Variants in XPR1 observed in about 807,000 individuals in gnomAD.
The protein encoded by XPR1 is solute carrier family 53 member 1.
XPR1 carries 28 observed loss-of-function variants against 87.5 expected under a neutral mutation model. The ratio of observed to expected loss-of-function variants is 0.32; its 90% CI spans 0.24 to 0.44. The LOEUF (loss-of-function observed/expected upper bound fraction) is 0.44, where lower values mean the gene tolerates loss of function less well. XPR1 is among the 20% of genes least tolerant of loss of function. The pLI is 1.00. For missense variants in XPR1, 559 were observed against 862.3 expected (o/e 0.65, Z 4.41); for synonymous variants, 300 against 306.1 (o/e 0.98, Z 0.21).
intron 7 of XPR1, among the ~76,000 whole-genome samples, chr1:180,821,821 C>T (rs565344097): frequency 6.6e-6 from 1 of 152,264 alleles, no homozygotes; most frequent in African/African-American, 2.4e-5. Context: ...TTCTTAATTT[C>T]ATTTTCAGAT....
intron 7 of XPR1, among the ~76,000 whole-genome samples, chr1:180,813,258 A>G (rs1477002354): frequency 6.6e-6 from 1 of 152,142 alleles, no homozygotes; most frequent in Non-Finnish European, 1.5e-5. Flanking sequence ...AGATGCATCA[A>G]GCTCATTCTA....
chr1:180,820,836 T>C (rs1354018936), intron 7 of XPR1, among the ~76,000 whole-genome samples: 2 of 152,218 alleles, frequency 1.3e-5, no homozygotes, highest in East Asian at 3.8e-4. Flanking sequence ...AAGCATCTTT[T>C]CATGTGCTCA....
chr1:180,722,999 T>C (rs202192435), intron 2 of XPR1, among the ~76,000 whole-genome samples: 7 of 152,226 alleles, frequency 4.6e-5, no homozygotes, highest in African/African-American at 1.7e-4. Flanking sequence ...CACTATATAT[T>C]AGGAATTTTT....
Position 180,655,802 on chromosome 1 carries a change from G to A in XPR1, c.69+23532G>A, listed in dbSNP as rs184510128. On this transcript the variant is annotated intron_variant, in intron 1 of 14. Coordinates refer to ENST00000367590, the MANE Select transcript of XPR1 (RefSeq NM_004736.4). ...AATTTTTATTATCCTTGATTACTGAGTACCATCTTTTTTTAATTTTTAATT... is the reference window on the plus strand; with the variant it reads ...AATTTTTATTATCCTTGATTACTGAATACCATCTTTTTTTAATTTTTAATT... Among the ~76,000 whole-genome samples, 21 of 151,694 alleles carry A rather than the reference G, an allele frequency of 1.4e-4. No homozygotes were observed. The East Asian group carries it at 2.5e-3, about 18-fold the overall frequency.
At chr1:180,674,215 T>G (rs1656287595) in intron 1 of XPR1, among the ~76,000 whole-genome samples, 1 of 152,148 alleles carries the variant, frequency 6.6e-6, no homozygotes. Context: ...TACAGAGAAG[T>G]TAATTTTCCC....
At chr1:180,756,399 G>A (rs141330574) in intron 2 of XPR1, among the ~76,000 whole-genome samples, 1 of 152,264 alleles carries the variant, frequency 6.6e-6, no homozygotes, top group East Asian at 1.9e-4. Context: ...ATGCTGTTGA[G>A]CATATTTTCA....
chr1:180,718,133 C>T (rs1658059694), intron 2 of XPR1, among the ~76,000 whole-genome samples: 1 of 152,082 alleles, frequency 6.6e-6, no homozygotes, highest in Admixed American at 6.5e-5. Context: ...TACTACTGTG[C>T]AGAGCATTAA....
intron 2 of XPR1, among the ~76,000 whole-genome samples, chr1:180,703,551 A>G (rs1370277069): frequency 6.6e-6 from 1 of 152,194 alleles, no homozygotes; most frequent in Non-Finnish European, 1.5e-5. Flanking sequence ...AGGGCAGATC[A>G]GTCCTCAGTC....
At chr1:180,685,294 AT>A (rs1656726240) in intron 2 of XPR1, among the ~76,000 whole-genome samples, 1 of 151,996 alleles carries the variant, frequency 6.6e-6, no homozygotes, top group Non-Finnish European at 1.5e-5. Context: ...ACATTTATTG[AT>A]TTGCGTATGT....
intron 2 of XPR1, among the ~76,000 whole-genome samples, chr1:180,763,397 G>A (rs530097653): frequency 4.0e-4 from 61 of 152,264 alleles, no homozygotes; most frequent in Non-Finnish European, 5.6e-4. Flanking sequence ...GAAGGATTTT[G>A]TATGTCAAGT....
At chr1:180,840,589 T>A (rs1344664343) in intron 11 of XPR1, among the ~76,000 whole-genome samples, 6 of 146,884 alleles carry the variant, frequency 4.1e-5, no homozygotes, top group African/African-American at 1.0e-4. Flanking sequence ...TATATATATA[T>A]AAACTGGACA....
At chr1:180,715,209 T>C (rs564339424) in intron 2 of XPR1, among the ~76,000 whole-genome samples, 29 of 152,186 alleles carry the variant, frequency 1.9e-4, no homozygotes, top group Non-Finnish European at 8.8e-5. Context: ...GTAAATAAAG[T>C]GTTCAGAAAT....
At chr1:180,775,213 T>G (rs1648666382) in intron 2 of XPR1, among the ~76,000 whole-genome samples, 1 of 152,170 alleles carries the variant, frequency 6.6e-6, no homozygotes, top group African/African-American at 2.4e-5. Context: ...CTTTGAAAGC[T>G]TTTTCCCTGG....
At chr1:180,656,646 T>TATATATAATATATAATTTATATTA (rs1557941894) in intron 1 of XPR1, among the ~76,000 whole-genome samples, 2 of 100,230 alleles carry the variant, frequency 2.0e-5, no homozygotes, top group Non-Finnish European at 1.9e-5. Flanking sequence ...TAATATATTA[T>TATATATAATATATAATTTATATTA]TATATATAAT....
At chr1:180,721,319 T>C (rs1450729423) in intron 2 of XPR1, among the ~76,000 whole-genome samples, 2 of 152,180 alleles carry the variant, frequency 1.3e-5, no homozygotes, top group Non-Finnish European at 2.9e-5. Flanking sequence ...ATTTATCATA[T>C]CATTTTTTCT....
In XPR1 at chr1:180,659,636, A is replaced by G. The variant is rs1299367141; in HGVS notation, c.70-22724A>G. ...CGGGTTCAAGCGATTCTCCTGCTTC[A>G]GCCTCCCGAGTAGCTGGGATTACAG... On this transcript the variant is annotated intron_variant, in intron 1 of 14. Transcript: ENST00000367590. 3.6e-5 allele frequency among the ~76,000 whole-genome samples: 4 copies of G among 112,620 alleles called. No homozygotes were observed. In the Admixed American group the frequency reaches 5.3e-4, roughly 15 times the overall value. 73.9% of individuals were successfully genotyped at this position (112,620 alleles called of 152,430 possible). A position where few individuals can be genotyped will look rare whatever the true frequency, so the allele number is the denominator to read the frequency against.
chr1:180,854,807 T>G (rs1431348353), intron 11 of XPR1, among the ~76,000 whole-genome samples: 1 of 152,200 alleles, frequency 6.6e-6, no homozygotes, highest in Admixed American at 6.5e-5. Context: ...GTCAAAGCCT[T>G]AGAATCTGGT....
rs1229991565 is a variant in XPR1, at chr1:180,888,171, T to A, written c.*4105T>A. The A allele has an allele frequency of 1.3e-5, 2 of 152,146 alleles. No individual in the cohort carries two copies. Among genetic ancestry groups the A allele is most frequent in the Non-Finnish European group, 2.9e-5 (2 of 68,010 alleles). The allele number at this position is 152,146 out of a possible 1,614,324, so 9.4% of individuals were successfully genotyped here. A position where few individuals can be genotyped will look rare whatever the true frequency, so the allele number is the denominator to read the frequency against. On this transcript the variant is annotated 3_prime_UTR_variant, in exon 15 of 15. Coordinates refer to ENST00000367590, the MANE Select transcript of XPR1 (RefSeq NM_004736.4). Reference sequence around the variant, plus strand: ...TATTTTCCTATCATCTTTTCCCCATTACTTTGCATTATTCAGGAAATAATT... The same window carrying A: ...TATTTTCCTATCATCTTTTCCCCATAACTTTGCATTATTCAGGAAATAATT...
intron 11 of XPR1, among the ~76,000 whole-genome samples, chr1:180,860,444 A>G (rs982139795): frequency 5.3e-5 from 8 of 152,170 alleles, no homozygotes; most frequent in African/African-American, 1.9e-4. Context: ...AAAACTGAAA[A>G]CAGTCTGTAT....
Sources: gnomAD v4.1 joint callset for allele counts (sites outside exome capture counted in the v4.1 genomes callset) on GRCh38, gnomAD v4.1.1 for gene constraint, MANE v1.5 for transcripts, NCBI Gene and HGNC (gene_info 2026-07-23, HGNC 2026-07-21) for gene names.